ADGRE5: variants seen among roughly 807,000 people sequenced by gnomAD.
ADGRE5 encodes the protein CD97 molecule.
A neutral mutation model predicts 100.3 loss-of-function variants in ADGRE5; 72 were observed. The ratio of observed to expected loss-of-function variants is 0.72; its 90% CI spans 0.59 to 0.87. ADGRE5 has a LOEUF of 0.87. ADGRE5 is among the 40% of genes least tolerant of loss of function. ADGRE5 has a pLI of 0.00. For missense variants in ADGRE5, 959 were observed against 1,094.7 expected, an observed-to-expected ratio of 0.88 and a Z score of 1.75; for synonymous variants, 439 against 447.8, an observed-to-expected ratio of 0.98 and a Z score of 0.25.
At chr19:14,395,162 G>A (rs1446198947) in intron 4 of ADGRE5, among the ~76,000 whole-genome samples, 14 of 152,054 alleles carry the variant, frequency 9.2e-5, no homozygotes, top group Non-Finnish European at 1.8e-4. Flanking sequence ...TTAGCCGGGC[G>A]CAGTGGCACG....
Position 14,406,962 on chromosome 19 carries a change from T to C in ADGRE5, c.2207+2T>C. The C allele has an allele frequency of 6.2e-7, 1 of 1,613,758 alleles. No individual in the cohort carries two copies. Among genetic ancestry groups the C allele is most frequent in the South Asian group, 1.1e-5 (1 of 91,078 alleles). On this transcript the variant is annotated splice_donor_variant, in intron 17 of 19. Transcript: ENST00000242786. LOFTEE classifies it high-confidence loss of function. The surrounding 1 kb of genome is among the most constrained non-coding windows in gnomAD (Gnocchi z 6.0). ...CATGAAGAAATTAAAGAAGGCGAGG[T>C]GAGAGGAGAGGCTGGAAGGACTTGG...
At chr19:14,396,035 T>C (rs2146360557) in intron 4 of ADGRE5, among the ~76,000 whole-genome samples, 1 of 152,330 alleles carries the variant, frequency 6.6e-6, no homozygotes, top group Middle Eastern at 3.4e-3. Context: ...CATTTGGTTC[T>C]CAGGAAGGCC....
Position 14,408,001 on chromosome 19 carries a change from C to CA in ADGRE5, c.2471dup (p.Thr825AspfsTer62). On this transcript the variant is annotated frameshift_variant, in exon 19 of 20. Transcript: ENST00000242786. LOFTEE classifies it high-confidence loss of function. ...CACCACGTCTGGCACTGGCCACAAT[C>CA]AGACCCGGGTAAGGGGCTGCGCCTG... is the stretch of plus-strand genomic sequence containing the variant. 4 of 1,614,180 alleles carry CA rather than the reference C, an allele frequency of 2.5e-6. No homozygotes were observed. The highest frequency in any genetic ancestry group is 3.4e-6 in the Non-Finnish European group (4 of 1,180,030).
At chr19:14,394,396 A>G (rs1457884480) in intron 4 of ADGRE5, among the ~76,000 whole-genome samples, 1 of 150,982 alleles carries the variant, frequency 6.6e-6, no homozygotes, top group Non-Finnish European at 1.5e-5. Context: ...CAGGCCAGAG[A>G]CCTCGGGCGG....
At position 14,408,316 on chromosome 19, in the gene ADGRE5, A is replaced by AC; in HGVS notation, c.*196dup. 1.5e-6 allele frequency: 1 copy of AC among 661,334 alleles called. No homozygotes were observed. The highest frequency in any genetic ancestry group is 2.7e-6 in the Non-Finnish European group (1 of 373,302). 41.0% of individuals were successfully genotyped at this position (661,334 alleles called of 1,614,324 possible). On this transcript the variant is annotated 3_prime_UTR_variant, in exon 20 of 20. Coordinates refer to ENST00000242786, the MANE Select transcript of ADGRE5 (RefSeq NM_078481.4). ...CACCCAGTGGGGTGGAGTCGGAGCC[A>AC]CTGGTCCTGCTGCTGGCTGCCTCTC...
intron 6 of ADGRE5, 163 bp downstream of exon 6, chr19:14,397,386 G>T: frequency 1.9e-6 from 2 of 1,066,246 alleles, no homozygotes; most frequent in East Asian, 2.5e-5. Context: ...AGGGTCCTCC[G>T]GAAGGAGCTG....
At chr19:14,387,294 C>T (rs1352522786) in intron 1 of ADGRE5, among the ~76,000 whole-genome samples, 1 of 152,136 alleles carries the variant, frequency 6.6e-6, no homozygotes, top group East Asian at 1.9e-4. Flanking sequence ...CCACCAGGCT[C>T]ATGGCCCTTC....
In ADGRE5 at chr19:14,404,457, G is replaced by A. The variant is rs1476475282; in HGVS notation, c.1524G>A (p.Trp508Ter). Residue 508 changes from tryptophan to a stop codon, truncating the protein, a stop_gained, in exon 13 of 20, where the codon TGG (tryptophan) becomes TGA (stop). Transcript: ENST00000242786. LOFTEE classifies it high-confidence loss of function. ...GTGACAGCGACAGGGGAGGGCACTGGGCCACCGAGGGCTGCCAGGTGCTGG... is the reference window on the plus strand; with the variant it reads ...GTGACAGCGACAGGGGAGGGCACTGAGCCACCGAGGGCTGCCAGGTGCTGG... Reference protein sequence around the residue: ...WKSDSDRGGHWATEGCQVLGS... With the variant: ...WKSDSDRGGH 16 of 1,612,162 alleles carry A rather than the reference G, an allele frequency of 9.9e-6. No homozygotes were observed. Among genetic ancestry groups the A allele is most frequent in the Non-Finnish European group, 1.4e-5 (16 of 1,179,750 alleles).
chr19:14,407,367 C>G, intron 18 of ADGRE5, 138 bp downstream of exon 18: 1 of 999,962 alleles, frequency 1.0e-6, no homozygotes, highest in Non-Finnish European at 1.5e-6. Context: ...CAAAAAAATT[C>G]AAAGATAGCC....
intron 1 of ADGRE5, among the ~76,000 whole-genome samples, chr19:14,386,301 C>A (rs1330539989): frequency 6.7e-6 from 1 of 148,170 alleles, no homozygotes; most frequent in Non-Finnish European, 1.5e-5. Flanking sequence ...ATGGCGTGAA[C>A]CCGGGAGGTG....
chr19:14,390,351 T>G, intron 3 of ADGRE5, among the ~76,000 whole-genome samples: 1 of 143,810 alleles, frequency 7.0e-6, no homozygotes. Context: ...TGAGACAGAG[T>G]CTCACTCTGT....
At chr19:14,399,563 CA>C (rs764605166) in intron 9 of ADGRE5, among the ~76,000 whole-genome samples, 2,230 of 31,594 alleles carry the variant, frequency 0.071, 4 homozygotes, top group African/African-American at 0.096. Context: ...GACTCCGTCT[CA>C]AAAAAAAAAA....
At position 14,397,243 on chromosome 19, in the gene ADGRE5, C is replaced by A. The variant is rs781364735; in HGVS notation, c.625+20C>A. 11 of 1,613,818 alleles carry A rather than the reference C, an allele frequency of 6.8e-6. No individual in the cohort carries two copies. The highest frequency in any genetic ancestry group is 9.3e-6 in the Non-Finnish European group (11 of 1,179,850). On this transcript the variant is annotated intron_variant, in intron 6 of 19. Coordinates refer to ENST00000242786, the MANE Select transcript of ADGRE5 (RefSeq NM_078481.4). The stretch of plus-strand genomic sequence containing the variant: ...GTGAAGGTCGAGAGCTCAGATCCCA[C>A]GTTTCTAGCGACCCACAAACATCTG...
intron 9 of ADGRE5, among the ~76,000 whole-genome samples, chr19:14,400,242 G>T (rs957738830): frequency 6.6e-6 from 1 of 151,846 alleles, no homozygotes; most frequent in Non-Finnish European, 1.5e-5. Flanking sequence ...GGATGGTCTC[G>T]ATCTCCTGAC....
chr19:14,407,106 C>G lies in ADGRE5; in HGVS notation c.2253C>G (p.Cys751Trp). The G allele has an allele frequency of 1.2e-6, 2 of 1,614,166 alleles. No homozygotes were observed. The highest frequency in any genetic ancestry group is 2.2e-5 in the East Asian group (1 of 44,874). The change falls in exon 18 of 20, where the codon TGC becomes TGG. Residue 751 changes from cysteine (C) to tryptophan (W), a missense_variant. By Grantham distance (215) the Cys-to-Trp change is radical. Transcript: ENST00000242786. ...TCGCGCAGCTCTTCCTGTTGGGCTG[C>G]ACCTGGGTCTTTGGCCTGTTCATCT... ...TAIAQLFLLG[C>W]TWVFGLFIFD...
chr19:14,404,555 A>T lies in ADGRE5; in HGVS notation c.1622A>T (p.Asp541Val). ...TTTGCGATCCTTATGGCTCATTATG[A>T]CGTGGAGGTAAGTAGCTGGAGGCAT... ...SSFAILMAHY[D>V]VEDWKLTLIT... Residue 541 changes from aspartate (D) to valine (V), a missense_variant, in exon 13 of 20, where the codon GAC (aspartate) becomes GTC (valine). This residue lies in a region of ADGRE5 where 428 missense variants were observed against 386.2 expected (regional missense o/e 1.11). Transcript: ENST00000242786. 6.2e-7 allele frequency: 1 copy of T among 1,612,610 alleles called. No homozygotes were observed.
At chr19:14,390,654 T>A (rs1975569041) in intron 3 of ADGRE5, among the ~76,000 whole-genome samples, 2 of 152,118 alleles carry the variant, frequency 1.3e-5, no homozygotes, top group South Asian at 4.1e-4. Context: ...ACAAAGAGAC[T>A]GGGGATGGGG....
At chr19:14,393,169 C>G (rs1449813194) in intron 4 of ADGRE5, among the ~76,000 whole-genome samples, 4 of 151,092 alleles carry the variant, frequency 2.6e-5, no homozygotes, top group African/African-American at 9.8e-5. Context: ...CCACTACACT[C>G]CAGCCTGGGC....
At chr19:14,385,765 C>G (rs1205478025) in intron 1 of ADGRE5, among the ~76,000 whole-genome samples, 1 of 151,022 alleles carries the variant, frequency 6.6e-6, no homozygotes, top group Admixed American at 6.6e-5. Context: ...GATCCAACAC[C>G]GTCATTTTTT....
Sources: gnomAD v4.1 joint callset for allele counts (sites outside exome capture counted in the v4.1 genomes callset) on GRCh38, gnomAD v4.1.1 for gene constraint, gnomAD v4.1.1 regional missense constraint, Gnocchi (gnomAD v3.1) non-coding constraint, MANE v1.5 for transcripts, NCBI Gene and HGNC (gene_info 2026-07-23, HGNC 2026-07-21) for gene names.